MCF2L: variants seen among roughly 807,000 people sequenced by gnomAD.
MCF2L encodes the protein guanine nucleotide exchange factor DBS.
A neutral mutation model predicts 153.4 loss-of-function variants in MCF2L; 97 were observed. That is an observed-to-expected ratio of 0.63 (90% CI 0.54 to 0.75). MCF2L has a LOEUF of 0.75. Ranked by LOEUF, MCF2L falls within the 30% of genes least tolerant of loss-of-function variation. The pLI is 0.00. For synonymous variants in MCF2L, 659 were observed against 632.2 expected (o/e 1.04, Z -0.64); for missense variants, 1,347 against 1,495.2 (o/e 0.90, Z 1.64).
chr13:112,948,856 A>G (rs926208081), intron 2 of MCF2L, among the ~76,000 whole-genome samples: 39 of 152,254 alleles, frequency 2.6e-4, no homozygotes, highest in African/African-American at 7.5e-4. Flanking sequence ...ACCTGAGGCC[A>G]GGAGTTCGAG....
At chr13:112,919,948 G>A (rs1594326868) in intron 2 of MCF2L, among the ~76,000 whole-genome samples, 1 of 152,206 alleles carries the variant, frequency 6.6e-6, no homozygotes, top group Non-Finnish European at 1.5e-5. Flanking sequence ...TGTTTCAGAT[G>A]TCTCTTTCCT....
At chr13:113,076,328 G>A (rs945378899) in intron 12 of MCF2L, among the ~76,000 whole-genome samples, 171 bp downstream of exon 12, 8 of 151,972 alleles carry the variant, frequency 5.3e-5, no homozygotes, top group East Asian at 3.9e-4. Flanking sequence ...GCAGTGGCAC[G>A]ATCTTAGCTC....
intron 4 of MCF2L, among the ~76,000 whole-genome samples, chr13:113,057,517 GTGTT>G (rs1367755348): frequency 2.0e-5 from 3 of 147,078 alleles, no homozygotes; most frequent in African/African-American, 5.0e-5. Flanking sequence ...TGGGTGCTGA[GTGTT>G]TGGGTGCTGA....
At chr13:113,095,565 A>G in intron 27 of MCF2L, 1 of 1,004,152 alleles carries the variant, frequency 1.0e-6, no homozygotes, top group Non-Finnish European at 1.2e-6. Context: ...AGTACAGGCC[A>G]TCACGTGAGG....
Position 112,974,935 on chromosome 13 carries a change from C to T in MCF2L, c.79+5477C>T, listed in dbSNP as rs1206595214. Among the ~76,000 whole-genome samples the T allele has an allele frequency of 3.3e-5, 5 of 152,294 alleles. No individual in the cohort carries two copies. The South Asian group carries it at 8.3e-4, about 25-fold the overall frequency. On this transcript the variant is annotated intron_variant, in intron 1 of 29. Transcript: ENST00000535094. ...GCTCGGCTGCCTTTTCCGTGTGTTT[C>T]GTTTCCTCCGCCGCCTACGACGTGC...
intron 1 of MCF2L, among the ~76,000 whole-genome samples, chr13:112,992,502 G>T (rs535890453): frequency 1.3e-5 from 2 of 152,238 alleles, no homozygotes; most frequent in South Asian, 2.1e-4. Flanking sequence ...TGCTCCAGAC[G>T]TTCCCGCCGT....
upstream of MCF2L, chr13:112,968,785 G>C (rs1455848942): frequency 1.3e-5 from 17 of 1,346,626 alleles, no homozygotes; most frequent in Admixed American, 4.0e-5. Context: ...TCGCGGCTTC[G>C]CGGCTGCCCG....
chr13:113,086,778 G>T (rs1031601931), intron 21 of MCF2L, among the ~76,000 whole-genome samples: 2 of 151,938 alleles, frequency 1.3e-5, no homozygotes, highest in Non-Finnish European at 2.9e-5. Flanking sequence ...ATTTATTGCA[G>T]CAATTTTTGG....
At chr13:112,972,871 G>T (rs1347496790) in intron 1 of MCF2L, among the ~76,000 whole-genome samples, 2 of 150,372 alleles carry the variant, frequency 1.3e-5, no homozygotes, top group Non-Finnish European at 3.0e-5. Context: ...ATGAGCAAAA[G>T]CTGTGTGCTG....
rs555272296 is a variant in MCF2L at position 112,912,645 on chromosome 13, C to T, written c.169+10274C>T. 4.5e-4 allele frequency among the ~76,000 whole-genome samples: 68 copies of T among 152,290 alleles called. 1 individual carries two copies. In the Middle Eastern group the frequency reaches 0.027, roughly 61 times the overall value. ...TTTATTCTTAAGAGCTGCAAATGTC[C>T]TCATTGTGTCATTTCTTTTTTATTT... On this transcript the variant is annotated intron_variant, in intron 2 of 29. Transcript: ENST00000375608.
chr13:112,980,934 A>G (rs1192509837), intron 1 of MCF2L, among the ~76,000 whole-genome samples: 1 of 152,224 alleles, frequency 6.6e-6, no homozygotes, highest in Non-Finnish European at 1.5e-5. Flanking sequence ...GGACATGAGC[A>G]CAGTGGGGGC....
At chr13:113,003,045 G>A (rs574522051) in intron 1 of MCF2L, among the ~76,000 whole-genome samples, 40 of 152,122 alleles carry the variant, frequency 2.6e-4, no homozygotes, top group Middle Eastern at 3.4e-3. Context: ...GTGTGGTGGC[G>A]TGTGCCTGTA....
rs1409055041 is a variant in MCF2L, at chr13:113,028,051, C to T, written c.278+3293C>T. ...GCTAAATGAGATTCTGTGGTGTCCA[C>T]ACTGAATGCTGACTGGTCAGACTCA... On this transcript the variant is annotated intron_variant, in intron 3 of 29. Coordinates refer to ENST00000535094, the MANE Select transcript of MCF2L (RefSeq NM_001112732.3). This position sits in a 1 kb window ranked among gnomAD's most constrained non-coding sequence, Gnocchi z 5.4. Among the ~76,000 whole-genome samples, 1 of 152,196 alleles carries T rather than the reference C, an allele frequency of 6.6e-6. No homozygotes were observed. Among genetic ancestry groups the T allele is most frequent in the Non-Finnish European group, 1.5e-5 (1 of 68,016 alleles).
chr13:113,071,890 A>C (rs1423140404), intron 9 of MCF2L, among the ~76,000 whole-genome samples: 1 of 152,246 alleles, frequency 6.6e-6, no homozygotes. Context: ...TCTTGTCTAC[A>C]TATATGAAAA....
chr13:113,096,386 A>G lies in MCF2L; in HGVS notation c.3091A>G (p.Thr1031Ala), dbSNP rs1268324695. Residue 1031 changes from threonine to alanine, a missense_variant, in exon 28 of 30, where the codon ACG becomes GCG. By Grantham distance (58) the Thr-to-Ala change is moderately conservative (BLOSUM62 0). Coordinates refer to ENST00000535094, the MANE Select transcript of MCF2L (RefSeq NM_001112732.3). ...CTCCCACCAGGTTCCAGGTAAATAC[A>G]CGGTCGTGGCGGACCACGAGAAGGG... ...GPKKLVPGKYTVVADHEKGGP... is the reference protein window; with the variant it reads ...GPKKLVPGKYAVVADHEKGGP... 1.9e-6 allele frequency: 3 copies of G among 1,582,982 alleles called. No homozygotes were observed. Among genetic ancestry groups the G allele is most frequent in the South Asian group, 1.2e-5 (1 of 86,460 alleles).
chr13:112,963,868 G>A (rs1482577428), intron 2 of MCF2L, among the ~76,000 whole-genome samples: 3 of 152,212 alleles, frequency 2.0e-5, no homozygotes, highest in South Asian at 2.1e-4. Context: ...GAGGCAGGGC[G>A]GCTCCTCCAC....
intron 17 of MCF2L, among the ~76,000 whole-genome samples, chr13:113,083,556 C>G (rs1347202570): frequency 6.6e-6 from 1 of 152,234 alleles, no homozygotes; most frequent in South Asian, 2.1e-4. Flanking sequence ...CGGACTTCCT[C>G]CAGGGGACAG....
Position 113,046,450 on chromosome 13 carries a change from T to C in MCF2L, c.369+1089T>C, listed in dbSNP as rs74115767. ...AGATTCTCCCAGTGAAGTCAGATTC[T>C]CCTGGCCTTTCCTGGGTCCCGCGTT... On this transcript the variant is annotated intron_variant, in intron 4 of 29. Coordinates refer to ENST00000535094, the MANE Select transcript of MCF2L (RefSeq NM_001112732.3). The surrounding 1 kb of genome is among the most constrained non-coding windows in gnomAD (Gnocchi z 4.4). The C allele has an allele frequency of 2.1e-6, 1 of 479,252 alleles. No homozygotes were observed. The highest frequency in any genetic ancestry group is 2.0e-5 in the African/African-American group (1 of 49,004). 29.7% of individuals were successfully genotyped at this position (479,252 alleles called of 1,614,324 possible).
At chr13:112,898,798 C>T (rs1029026795) in intron 1 of MCF2L, among the ~76,000 whole-genome samples, 1 of 152,218 alleles carries the variant, frequency 6.6e-6, no homozygotes, top group Non-Finnish European at 1.5e-5. Context: ...CTTCTCTCCT[C>T]GGGATCCCTC....
Sources: allele counts gnomAD v4.1 joint callset (sites outside exome capture counted in the v4.1 genomes callset), GRCh38; gene constraint gnomAD v4.1.1; non-coding constraint Gnocchi (gnomAD v3.1); transcripts MANE v1.5; gene names NCBI Gene and HGNC (gene_info 2026-07-23, HGNC 2026-07-21).